Variants in FAM185A observed in about 807,000 individuals in gnomAD.
FAM185A encodes family with sequence similarity 185 member A.
A neutral mutation model predicts 45.7 loss-of-function variants in FAM185A; 21 were observed. The observed-to-expected ratio is 0.46, with a 90% confidence interval of 0.33 to 0.66. The LOEUF (loss-of-function observed/expected upper bound fraction) is 0.66. Among genes scored for constraint, FAM185A ranks in the 30% least tolerant of loss-of-function variants. The probability of loss-of-function intolerance (pLI) is 0.03; values close to 1 mark genes in which losing one functional copy is unlikely to be tolerated. For missense variants in FAM185A, 305 were observed against 485.4 expected, an observed-to-expected ratio of 0.63 and a Z score of 3.49; for synonymous variants, 117 against 194.0, an observed-to-expected ratio of 0.60 and a Z score of 3.30.
chr7:102,838,205 C>T, the FAM185A span, among the ~76,000 whole-genome samples: 2 of 152,176 alleles, frequency 1.3e-5, no homozygotes, highest in African/African-American at 4.8e-5. Context: ...AGTTACTCAA[C>T]CTCTCTTACC....
chr7:102,786,993 C>T (rs1795845354), intron 6 of FAM185A, among the ~76,000 whole-genome samples: 1 of 152,098 alleles, frequency 6.6e-6, no homozygotes, highest in South Asian at 2.1e-4. Context: ...GGGTCTGGCT[C>T]ATATTAAATG....
At chr7:102,819,407 C>T in the FAM185A span, among the ~76,000 whole-genome samples, 7 of 152,160 alleles carry the variant, frequency 4.6e-5, no homozygotes, top group Non-Finnish European at 1.0e-4. Flanking sequence ...CTGCAGGAAA[C>T]TCTCCTGCAA....
chr7:102,791,482 G>A (rs1796136510), intron 7 of FAM185A, among the ~76,000 whole-genome samples: 3 of 152,188 alleles, frequency 2.0e-5, no homozygotes, highest in South Asian at 2.1e-4. Context: ...ATTATGAAGC[G>A]CCTTAGCCTA....
the FAM185A span, among the ~76,000 whole-genome samples, chr7:102,826,392 C>CT: frequency 6.6e-6 from 1 of 151,924 alleles, no homozygotes; most frequent in Non-Finnish European, 1.5e-5. Flanking sequence ...TTTGCCCTAG[C>CT]TTTTTTTAAA....
rs186983316 is a variant in FAM185A, at chr7:102,774,258, T to C, written c.835+1808T>C. 4.6e-3 allele frequency among the ~76,000 whole-genome samples: 693 copies of C among 152,302 alleles called. 8 individuals are homozygous for C. Among genetic ancestry groups the C allele is most frequent in the African/African-American group, 0.015 (641 of 41,572 alleles). On this transcript the variant is annotated intron_variant, in intron 5 of 7. Transcript: ENST00000413034. Reference sequence around the variant, plus strand: ...CTTCTAATTGTCTACTGCTGATATATGTAAATACAAATGATTTTTATAAAT... The same window carrying C: ...CTTCTAATTGTCTACTGCTGATATACGTAAATACAAATGATTTTTATAAAT...
At chr7:102,797,292 T>C (rs1472059952) in intron 7 of FAM185A, among the ~76,000 whole-genome samples, 1 of 151,848 alleles carries the variant, frequency 6.6e-6, no homozygotes, top group Non-Finnish European at 1.5e-5. Context: ...GAAACCCCAT[T>C]TCTACTAAAA....
At chr7:102,760,526 A>T (rs554940284) in intron 3 of FAM185A, among the ~76,000 whole-genome samples, 1 of 151,898 alleles carries the variant, frequency 6.6e-6, no homozygotes, top group Non-Finnish European at 1.5e-5. Context: ...TCATGATTTA[A>T]ATAGCAAAAG....
chr7:102,834,032 TGAA>T, the FAM185A span, among the ~76,000 whole-genome samples: 1 of 75,470 alleles, frequency 1.3e-5, no homozygotes, highest in East Asian at 4.0e-4. Context: ...GAAACCATGA[TGAA>T]GGAAGGAAGG....
the FAM185A span, among the ~76,000 whole-genome samples, chr7:102,824,431 C>G: frequency 6.6e-6 from 1 of 152,168 alleles, no homozygotes; most frequent in Non-Finnish European, 1.5e-5. Flanking sequence ...TTGCTCGTTT[C>G]TCATTCCTAT....
intron 7 of FAM185A, among the ~76,000 whole-genome samples, chr7:102,803,023 A>T (rs1015847987): frequency 1.3e-5 from 2 of 152,228 alleles, no homozygotes; most frequent in Non-Finnish European, 2.9e-5. Context: ...AACAAGCAGG[A>T]GATTGAAGTG....
rs1794096225 is a variant in FAM185A at position 102,761,381 on chromosome 7, G to A, written c.763G>A (p.Ala255Thr). ...AGAATCATCATTTCTGTCTTCTGCT[G>A]CTGGGGATATTACATTAGGAAGTGT... ...YTESSFLSSA[A>T]GDITLGSVHG... The change falls in exon 4 of 8, where the codon GCT becomes ACT. Residue 255 changes from alanine (A) to threonine (T), a missense_variant. This residue lies in a region of FAM185A where 44 missense variants were observed against 66.8 expected (regional missense o/e 0.66). Transcript: ENST00000413034. The A allele has an allele frequency of 6.5e-7, 1 of 1,541,968 alleles. No homozygotes were observed. The highest frequency in any genetic ancestry group is 8.7e-7 in the Non-Finnish European group (1 of 1,143,356).
chr7:102,837,917 G>A, the FAM185A span, among the ~76,000 whole-genome samples: 1 of 152,220 alleles, frequency 6.6e-6, no homozygotes, highest in South Asian at 2.1e-4. Context: ...GTAACTTCTT[G>A]AGGGTAGAAT....
chr7:102,772,630 TG>T (rs1794823625), intron 5 of FAM185A, among the ~76,000 whole-genome samples, 180 bp downstream of exon 5: 1 of 151,622 alleles, frequency 6.6e-6, no homozygotes, highest in South Asian at 2.1e-4. Flanking sequence ...TCGCCTGAGC[TG>T]GTATTAAGAA....
chr7:102,755,819 T>G, intron 2 of FAM185A: 1 of 678,744 alleles, frequency 1.5e-6, no homozygotes, highest in Non-Finnish European at 2.7e-6. Context: ...CCAATTACAA[T>G]GCCAGATACG....
the FAM185A span, among the ~76,000 whole-genome samples, chr7:102,834,091 AAAG>A: frequency 5.4e-3 from 411 of 76,202 alleles, 1 homozygote; most frequent in Middle Eastern, 6.3e-3. Context: ...GAAAGAAAAG[AAAG>A]AAAGAAAGAA....
intron 7 of FAM185A, among the ~76,000 whole-genome samples, chr7:102,791,313 T>C (rs2129442420): frequency 6.6e-6 from 1 of 152,182 alleles, no homozygotes; most frequent in East Asian, 1.9e-4. Flanking sequence ...TTTTGCTTTT[T>C]AGGAGGTTAC....
the FAM185A span, among the ~76,000 whole-genome samples, chr7:102,850,316 A>C: frequency 6.6e-6 from 1 of 152,130 alleles, no homozygotes; most frequent in Non-Finnish European, 1.5e-5. Flanking sequence ...AACTTTGGCC[A>C]ATACTCCTTC....
intron 4 of FAM185A, among the ~76,000 whole-genome samples, chr7:102,771,443 C>T (rs1794736999): frequency 6.6e-6 from 1 of 152,116 alleles, no homozygotes; most frequent in African/African-American, 2.4e-5. Flanking sequence ...TTCATATACT[C>T]ACAAGAAATA....
At position 102,789,168 on chromosome 7, in the gene FAM185A, A is replaced by G. The variant is rs184240479; in HGVS notation, c.1066+1699A>G. 3.7e-3 allele frequency among the ~76,000 whole-genome samples: 571 copies of G among 152,300 alleles called. 5 individuals are homozygous for G. Among genetic ancestry groups the G allele is most frequent in the African/African-American group, 0.014 (562 of 41,552 alleles). On this transcript the variant is annotated intron_variant, in intron 7 of 7. Transcript: ENST00000413034. ...TAGAGATAGCTGCTTTCTCTGTTGC[A>G]TAGACCGGAGTGCAATTATAGCTCA... is the stretch of plus-strand genomic sequence containing the variant.
Sources: allele counts gnomAD v4.1 joint callset (sites outside exome capture counted in the v4.1 genomes callset), GRCh38; gene constraint gnomAD v4.1.1; regional missense constraint gnomAD v4.1.1; transcripts MANE v1.5; gene names NCBI Gene and HGNC (gene_info 2026-07-23, HGNC 2026-07-21).